Variants in SLU7 observed in about 807,000 individuals in gnomAD.
SLU7 encodes spliceosome associated SLU7.
Under a neutral mutation model 87.0 loss-of-function variants are expected in SLU7, and 60 were observed. That is an observed-to-expected ratio of 0.69 (90% CI 0.56 to 0.86). The LOEUF (loss-of-function observed/expected upper bound fraction) is 0.86. SLU7 is among the 40% of genes least tolerant of loss of function. SLU7 has a pLI of 0.00. For synonymous variants in SLU7, 197 were observed against 222.0 expected (o/e 0.89, Z 1.00); for missense variants, 507 against 686.6 (o/e 0.74, Z 2.92).
At chr5:160,415,404 T>C in intron 1 of SLU7, 94 bp from the exon 2 acceptor site, 1 of 946,722 alleles carries the variant, frequency 1.1e-6, no homozygotes, top group Non-Finnish European at 1.5e-6. Context: ...TACTGTTTCA[T>C]ATGTTTTTTT....
chr5:160,402,262 A>G lies in SLU7; in HGVS notation c.*1023T>C, dbSNP rs1168673365. On this transcript the variant is annotated 3_prime_UTR_variant, in exon 16 of 16. Coordinates refer to ENST00000297151, the MANE Select transcript of SLU7 (RefSeq NM_006425.5). ...ATGAAAACAAACGGTAATGTAAACC[A>G]TATCCTCTATGATAAAGGAAAGGAT... The G allele has an allele frequency of 1.3e-5, 2 of 152,220 alleles. No individual in the cohort carries two copies. The highest frequency in any genetic ancestry group is 4.8e-5 in the African/African-American group (2 of 41,446). The allele number at this position is 152,220 out of a possible 1,614,324, so 9.4% of individuals were successfully genotyped here. A position where few individuals can be genotyped will look rare whatever the true frequency, so the allele number is the denominator to read the frequency against.
intron 1 of SLU7, 126 bp from the exon 2 acceptor site, chr5:160,415,436 G>A: frequency 1.6e-6 from 1 of 612,166 alleles, no homozygotes; most frequent in Non-Finnish European, 2.5e-6. Context: ...TATGTGTAAG[G>A]AAGGGTCTCT....
At chr5:160,413,658 T>C (rs369705143) in intron 4 of SLU7, 38 bp from the exon 5 acceptor site, 4 of 1,568,412 alleles carry the variant, frequency 2.6e-6, no homozygotes, top group South Asian at 2.3e-5. Context: ...TCCTAAGTTT[T>C]TATGGCCCAA....
At chr5:160,410,356 A>G (rs569207989) in intron 6 of SLU7, among the ~76,000 whole-genome samples, 233 of 152,298 alleles carry the variant, frequency 1.5e-3, no homozygotes, top group African/African-American at 5.4e-3. Context: ...AGACATTTAC[A>G]TACATTTCTA....
At chr5:160,404,937 C>G in intron 13 of SLU7, 57 bp from the exon 14 acceptor site, 2 of 1,520,092 alleles carry the variant, frequency 1.3e-6, no homozygotes, top group Non-Finnish European at 1.8e-6. Flanking sequence ...CATCTAAGAA[C>G]AAGTTAAAAT....
intron 1 of SLU7, 97 bp from the exon 2 acceptor site, chr5:160,415,407 G>GTT: frequency 6.7e-6 from 6 of 891,088 alleles, no homozygotes; most frequent in Non-Finnish European, 7.9e-6. Context: ...TGTTTCATAT[G>GTT]TTTTTTTTTC....
chr5:160,411,942 G>T (rs2961946), intron 6 of SLU7, among the ~76,000 whole-genome samples: 1 of 152,020 alleles, frequency 6.6e-6, no homozygotes, highest in Non-Finnish European at 1.5e-5. Context: ...CTAGTGTTCT[G>T]GTCTTTTTTT....
At chr5:160,418,380 A>C (rs1765542783) in intron 1 of SLU7, among the ~76,000 whole-genome samples, 1 of 152,226 alleles carries the variant, frequency 6.6e-6, no homozygotes, top group African/African-American at 2.4e-5. Context: ...CTGACTCCAA[A>C]GTCAGTTCTC....
chr5:160,411,263 G>A (rs1765224381), intron 6 of SLU7, among the ~76,000 whole-genome samples: 2 of 150,884 alleles, frequency 1.3e-5, no homozygotes, highest in Non-Finnish European at 3.0e-5. Flanking sequence ...ATAGAGTCTC[G>A]CTCTGTCATC....
In SLU7 at chr5:160,403,316, T is replaced by C. The variant is rs1764862724; in HGVS notation, c.1730A>G (p.Asp577Gly). The C allele has an allele frequency of 6.2e-7, 1 of 1,609,840 alleles. No individual in the cohort carries two copies. Among genetic ancestry groups the C allele is most frequent in the Non-Finnish European group, 8.5e-7 (1 of 1,178,188 alleles). ...TCCAAGGAAAGAGGCCATGGGGTCA[T>C]CTGGCCTCTGACGTTTCATTCTATA... ...EAYRMKRQRP[D>G]DPMASFLGQ is the part of the protein sequence containing the mutation. Residue 577 changes from aspartate to glycine, a missense_variant, in exon 16 of 16, where the codon GAT (aspartate) becomes GGT (glycine). This residue lies in a region of SLU7 where 201 missense variants were observed against 213.4 expected (regional missense o/e 0.94). Coordinates refer to ENST00000297151, the MANE Select transcript of SLU7 (RefSeq NM_006425.5).
intron 5 of SLU7, 23 bp downstream of exon 5, chr5:160,413,433 G>A (rs1765321305): frequency 6.2e-7 from 1 of 1,608,958 alleles, no homozygotes; most frequent in Admixed American, 1.7e-5. Flanking sequence ...AAAAACCCCA[G>A]GAAAGCAGGG....
intron 1 of SLU7, among the ~76,000 whole-genome samples, chr5:160,416,917 T>C (rs1298067490): frequency 6.6e-6 from 1 of 152,224 alleles, no homozygotes; most frequent in African/African-American, 2.4e-5. Context: ...GAGAGATCAC[T>C]GAATCATGGC....
At chr5:160,408,139 G>A (rs1214252233) in intron 8 of SLU7, 71 bp from the exon 9 acceptor site, 1 of 1,211,356 alleles carries the variant, frequency 8.3e-7, no homozygotes, top group African/African-American at 1.5e-5. Context: ...CTAGTTGGAG[G>A]AGTTGAACAT....
chr5:160,408,138 G>A (rs1238721765), intron 8 of SLU7, 70 bp from the exon 9 acceptor site: 2 of 1,223,266 alleles, frequency 1.6e-6, no homozygotes, highest in Non-Finnish European at 2.4e-6. Flanking sequence ...ACTAGTTGGA[G>A]GAGTTGAACA....
Position 160,414,938 on chromosome 5 carries a change from G to A in SLU7, c.170+187C>T, listed in dbSNP as rs541136773. Among the ~76,000 whole-genome samples, 5 of 152,256 alleles carry A rather than the reference G, an allele frequency of 3.3e-5. No individual in the cohort carries two copies. The South Asian group carries it at 1.0e-3, about 32-fold the overall frequency. ...GTGGGAACGGTAAAAAAGGACTGTT[G>A]CTATTCATTATAAGCCCTTCAACAT... On this transcript the variant is annotated intron_variant, in intron 2 of 15. Coordinates refer to ENST00000297151, the MANE Select transcript of SLU7 (RefSeq NM_006425.5).
In SLU7 at chr5:160,407,208, C is replaced by T. The variant is rs1407708263; in HGVS notation, c.1125+268G>A. ...AGGCCATCTTAGTTCATCATCTAAC[C>T]TCAGCTGAGCAAGCCCAGACCAGGA... On this transcript the variant is annotated intron_variant, in intron 11 of 15. Transcript: ENST00000297151. The surrounding 1 kb of genome is among the most constrained non-coding windows in gnomAD (Gnocchi z 4.2). Among the ~76,000 whole-genome samples, 1 of 152,190 alleles carries T rather than the reference C, an allele frequency of 6.6e-6. No homozygotes were observed. The highest frequency in any genetic ancestry group is 1.5e-5 in the Non-Finnish European group (1 of 68,032).
intron 2 of SLU7, 26 bp downstream of exon 2, chr5:160,415,099 G>T (rs1561564074): frequency 1.9e-6 from 3 of 1,544,226 alleles, no homozygotes; most frequent in Non-Finnish European, 2.6e-6. Context: ...TGAATGAATG[G>T]ATCATACAAA....
rs1231978047 is a variant in SLU7, at chr5:160,404,872, C to A, written c.1401G>T (p.Glu467Asp). Reference protein sequence around the residue: ...GEAGKEIVNSEECIINEITGE... With the variant: ...GEAGKEIVNSDECIINEITGE... ...CAGTTATCTCATTTATAATACACTC[C>A]TCAGAGTTCTGTGGGAAATACATGT... Residue 467 changes from glutamate (E) to aspartate (D), a missense_variant, in exon 14 of 16, where the codon GAG becomes GAT. Coordinates refer to ENST00000297151, the MANE Select transcript of SLU7 (RefSeq NM_006425.5). 1 of 1,607,476 alleles carries A rather than the reference C, an allele frequency of 6.2e-7. No homozygotes were observed. Among genetic ancestry groups the A allele is most frequent in the Non-Finnish European group, 8.5e-7 (1 of 1,174,052 alleles).
chr5:160,417,640 A>G (rs760934027), intron 1 of SLU7, among the ~76,000 whole-genome samples: 2 of 152,152 alleles, frequency 1.3e-5, no homozygotes, highest in African/African-American at 2.4e-5. Flanking sequence ...ATATACAAAA[A>G]AATCAGCCAG....
Sources: gnomAD v4.1 joint callset for allele counts (sites outside exome capture counted in the v4.1 genomes callset) on GRCh38, gnomAD v4.1.1 for gene constraint, gnomAD v4.1.1 regional missense constraint, Gnocchi (gnomAD v3.1) non-coding constraint, MANE v1.5 for transcripts, NCBI Gene and HGNC (gene_info 2026-07-23, HGNC 2026-07-21) for gene names.